Variants in RAB38 observed in about 807,000 individuals in gnomAD.
RAB38 encodes RAB38, member RAS oncogene family.
In RAB38, 15 loss-of-function variants were observed where a neutral mutation model predicts 18.4. The ratio of observed to expected loss-of-function variants is 0.82; its 90% CI spans 0.55 to 1.26. The LOEUF (loss-of-function observed/expected upper bound fraction) is 1.26, where lower values mean the gene tolerates loss of function less well. RAB38 is among the 50% of genes most tolerant of loss of function. The pLI is 0.00. For synonymous variants in RAB38, 101 were observed against 104.4 expected (o/e 0.97, Z 0.20); for missense variants, 294 against 267.4 (o/e 1.10, Z -0.69).
At chr11:87,915,423 C>T in the RAB38 span, among the ~76,000 whole-genome samples, 1 of 152,236 alleles carries the variant, frequency 6.6e-6, no homozygotes, top group South Asian at 2.1e-4. Flanking sequence ...TCTGGTCATT[C>T]TCACTGCTCA....
the RAB38 span, among the ~76,000 whole-genome samples, chr11:87,898,153 T>A: frequency 2.0e-5 from 3 of 151,590 alleles, no homozygotes; most frequent in East Asian, 5.9e-4. Flanking sequence ...CAGTAAAAAT[T>A]GCAACATGAT....
At chr11:87,865,909 T>C in the RAB38 span, among the ~76,000 whole-genome samples, 1 of 151,774 alleles carries the variant, frequency 6.6e-6, no homozygotes, top group Non-Finnish European at 1.5e-5. Context: ...CCCTAATCTT[T>C]ATCTTTTTAG....
intron 2 of RAB38, among the ~76,000 whole-genome samples, chr11:88,117,845 C>A (rs1942577069): frequency 6.6e-6 from 1 of 152,138 alleles, no homozygotes; most frequent in South Asian, 2.1e-4. Context: ...ATACTTAGAA[C>A]AGTGAAAGGC....
At chr11:87,942,478 G>C in the RAB38 span, among the ~76,000 whole-genome samples, 2 of 152,142 alleles carry the variant, frequency 1.3e-5, no homozygotes, top group African/African-American at 2.4e-5. Context: ...ATAAACCTAA[G>C]TTTATGCTTA....
the RAB38 span, among the ~76,000 whole-genome samples, chr11:87,849,630 T>C: frequency 6.6e-6 from 1 of 152,156 alleles, no homozygotes; most frequent in Admixed American, 6.5e-5. Context: ...TTCCTGTGAA[T>C]ATCTTTGGGT....
chr11:88,017,352 T>C, the RAB38 span, among the ~76,000 whole-genome samples: 12 of 93,360 alleles, frequency 1.3e-4, no homozygotes, highest in Non-Finnish European at 2.1e-4. Context: ...GGATATATAA[T>C]ATATAGACAC....
the RAB38 span, chr11:87,815,069 A>G: frequency 6.6e-6 from 1 of 152,210 alleles, no homozygotes; most frequent in Admixed American, 6.6e-5. Context: ...AGTGAGTGGT[A>G]TAGGGTGAGG....
At chr11:88,147,584 A>C (rs1175921671) in intron 2 of RAB38, among the ~76,000 whole-genome samples, 1 of 151,776 alleles carries the variant, frequency 6.6e-6, no homozygotes, top group Non-Finnish European at 1.5e-5. Context: ...AAAAAAAAAA[A>C]AACAGCTAAC....
At chr11:87,835,592 G>C in the RAB38 span, among the ~76,000 whole-genome samples, 1 of 152,002 alleles carries the variant, frequency 6.6e-6, no homozygotes, top group Admixed American at 6.6e-5. Flanking sequence ...TGTTAGGGTT[G>C]GTCTTAATTC....
chr11:87,931,589 C>T, the RAB38 span, among the ~76,000 whole-genome samples: 3 of 152,052 alleles, frequency 2.0e-5, no homozygotes, highest in Non-Finnish European at 4.4e-5. Flanking sequence ...CCCTGAACAC[C>T]AGGCACACTG....
chr11:87,953,872 T>G, the RAB38 span, among the ~76,000 whole-genome samples: 3 of 151,964 alleles, frequency 2.0e-5, no homozygotes, highest in Non-Finnish European at 4.4e-5. Flanking sequence ...TTTTTTTCCA[T>G]TTACTATTTG....
At chr11:87,838,760 T>C in the RAB38 span, among the ~76,000 whole-genome samples, 2 of 152,246 alleles carry the variant, frequency 1.3e-5, no homozygotes, top group South Asian at 2.1e-4. Flanking sequence ...AAACAACATA[T>C]GACATCCTGA....
downstream of RAB38, among the ~76,000 whole-genome samples, chr11:88,108,588 CTT>C (rs1194160850): frequency 1.3e-5 from 2 of 152,130 alleles, no homozygotes; most frequent in African/African-American, 2.4e-5. Flanking sequence ...GGTCTTGACT[CTT>C]TATCCAATTT....
chr11:87,978,009 TTATA>T, the RAB38 span, among the ~76,000 whole-genome samples: 1 of 61,450 alleles, frequency 1.6e-5, no homozygotes, highest in Non-Finnish European at 2.9e-5. Flanking sequence ...TATTTTAATA[TTATA>T]TAAATATATA....
At chr11:87,830,771 T>A in the RAB38 span, among the ~76,000 whole-genome samples, 1 of 152,034 alleles carries the variant, frequency 6.6e-6, no homozygotes, top group African/African-American at 2.4e-5. Context: ...GGAAATTAAA[T>A]TTTAATAAAT....
the RAB38 span, among the ~76,000 whole-genome samples, chr11:87,920,853 T>C: frequency 6.6e-6 from 1 of 152,118 alleles, no homozygotes; most frequent in African/African-American, 2.4e-5. Context: ...GTTGTTGCAT[T>C]TCCTTGATGA....
At chr11:87,892,964 A>G in the RAB38 span, among the ~76,000 whole-genome samples, 1 of 151,750 alleles carries the variant, frequency 6.6e-6, no homozygotes, top group Admixed American at 6.6e-5. Context: ...GGTAGACTAT[A>G]TGCTTTACAG....
chr11:87,835,923 A>G, the RAB38 span, among the ~76,000 whole-genome samples: 4,479 of 152,294 alleles, frequency 0.029, 141 homozygotes, highest in African/African-American at 0.077. Flanking sequence ...TGATTCTTCA[A>G]TTTTACCCAT....
intron 1 of RAB38, among the ~76,000 whole-genome samples, chr11:88,164,078 A>G (rs1943218742): frequency 6.6e-6 from 1 of 152,180 alleles, no homozygotes; most frequent in Non-Finnish European, 1.5e-5. Context: ...GCTCAAATGT[A>G]TTACATAAAA....
Sources: gnomAD v4.1 joint callset for allele counts (sites outside exome capture counted in the v4.1 genomes callset) on GRCh38, gnomAD v4.1.1 for gene constraint, MANE v1.5 for transcripts, NCBI Gene and HGNC (gene_info 2026-07-23, HGNC 2026-07-21) for gene names.